SMYD3: variants seen among roughly 807,000 people sequenced by gnomAD.
SMYD3 encodes the protein SET and MYND domain containing 3, also known as histone-lysine N-methyltransferase SMYD3.
Under a neutral mutation model 57.7 loss-of-function variants are expected in SMYD3, and 36 were observed. That is an observed-to-expected ratio of 0.62 (90% CI 0.48 to 0.82). The LOEUF (loss-of-function observed/expected upper bound fraction) is 0.82, where lower values mean the gene tolerates loss of function less well. Ranked by LOEUF, SMYD3 falls within the 40% of genes least tolerant of loss-of-function variation. The pLI, the probability that SMYD3 is intolerant of heterozygous loss-of-function variation, is 0.00. For missense variants in SMYD3, 515 were observed against 538.8 expected (o/e 0.96, Z 0.44); for synonymous variants, 211 against 195.0 (o/e 1.08, Z -0.68).
chr1:246,256,325 T>A (rs558320417), intron 5 of SMYD3, among the ~76,000 whole-genome samples: 2 of 152,274 alleles, frequency 1.3e-5, no homozygotes, highest in East Asian at 3.9e-4. Flanking sequence ...CAAATGTTAA[T>A]CTCTTTTGGC....
intron 10 of SMYD3, among the ~76,000 whole-genome samples, chr1:245,793,223 C>A (rs375276989): frequency 1.3e-5 from 2 of 151,692 alleles, no homozygotes; most frequent in Admixed American, 1.3e-4. Context: ...GCAGGAGAAT[C>A]GCTTGAACCC....
rs529955940 is a variant in SMYD3 at position 246,218,277 on chromosome 1, T to C, written c.531+108924A>G. Reference sequence around the variant, plus strand: ...ACATAAGATTCAAGATAGTGATTATTTCGTGGGGTGGAGAGGGAGATAAGA... The same window carrying C: ...ACATAAGATTCAAGATAGTGATTATCTCGTGGGGTGGAGAGGGAGATAAGA... On this transcript the variant is annotated intron_variant, in intron 5 of 11. Coordinates refer to ENST00000490107, the MANE Select transcript of SMYD3 (RefSeq NM_001167740.2). 7.3e-4 allele frequency among the ~76,000 whole-genome samples: 111 copies of C among 151,802 alleles called. 2 individuals carry two copies. The highest frequency in any genetic ancestry group is 2.7e-3 in the African/African-American group (111 of 41,382).
At chr1:246,291,146 G>T (rs1170871939) in intron 5 of SMYD3, among the ~76,000 whole-genome samples, 1 of 152,170 alleles carries the variant, frequency 6.6e-6, no homozygotes, top group Non-Finnish European at 1.5e-5. Flanking sequence ...AGATGGTCAA[G>T]ACAAGCATCA....
intron 1 of SMYD3, among the ~76,000 whole-genome samples, chr1:246,490,140 A>G: frequency 6.6e-6 from 1 of 151,310 alleles, no homozygotes; most frequent in East Asian, 1.9e-4. Flanking sequence ...TGCCTGACTT[A>G]AGTCATTTTC....
intron 1 of SMYD3, among the ~76,000 whole-genome samples, chr1:246,410,186 G>T (rs79156969): frequency 6.6e-6 from 1 of 151,934 alleles, no homozygotes; most frequent in Non-Finnish European, 1.5e-5. Context: ...TGACTGCCCT[G>T]GCCAGAATTT....
At position 246,434,198 on chromosome 1, in the gene SMYD3, A is replaced by G. The variant is rs115397474; in HGVS notation, c.164+72856T>C. ...AACCATTCTTCTAAAGGATTGGTTT[A>G]GGAAACACCATTCTGGACATCAGCT... is the stretch of plus-strand genomic sequence containing the variant. On this transcript the variant is annotated intron_variant, in intron 1 of 11. Coordinates refer to ENST00000490107, the MANE Select transcript of SMYD3 (RefSeq NM_001167740.2). Among the ~76,000 whole-genome samples, 1,190 of 152,376 alleles carry G rather than the reference A, an allele frequency of 7.8e-3. 13 individuals carry two copies. The highest frequency in any genetic ancestry group is 0.026 in the African/African-American group (1,095 of 41,590).
intron 10 of SMYD3, among the ~76,000 whole-genome samples, chr1:245,769,733 G>A (rs536284828): frequency 5.0e-4 from 76 of 152,298 alleles, no homozygotes; most frequent in African/African-American, 1.5e-3. Flanking sequence ...ACTGAGGTAC[G>A]TATGAATTAA....
chr1:246,242,863 C>T (rs1293786216), intron 5 of SMYD3, among the ~76,000 whole-genome samples: 1 of 152,108 alleles, frequency 6.6e-6, no homozygotes, highest in African/African-American at 2.4e-5. Context: ...AAGGCCATTA[C>T]ATAATGGTAA....
At chr1:246,197,297 A>G (rs1035189819) in intron 5 of SMYD3, among the ~76,000 whole-genome samples, 1 of 152,160 alleles carries the variant, frequency 6.6e-6, no homozygotes, top group African/African-American at 2.4e-5. Context: ...TGTGACGAGG[A>G]CAGTGTGGAA....
intron 1 of SMYD3, among the ~76,000 whole-genome samples, chr1:246,455,446 C>T (rs1279451577): frequency 2.0e-5 from 3 of 152,100 alleles, no homozygotes; most frequent in Non-Finnish European, 2.9e-5. Flanking sequence ...ATCTATTACA[C>T]AAAGCAAGAT....
chr1:245,939,216 G>A (rs1013818339), intron 5 of SMYD3, among the ~76,000 whole-genome samples: 2 of 151,752 alleles, frequency 1.3e-5, no homozygotes, highest in Non-Finnish European at 2.9e-5. Context: ...TAGAAAAGTA[G>A]ATTAAACATA....
chr1:246,219,123 G>A (rs1171697237), intron 5 of SMYD3, among the ~76,000 whole-genome samples: 2 of 152,112 alleles, frequency 1.3e-5, no homozygotes, highest in African/African-American at 4.8e-5. Context: ...AGAAAATGGT[G>A]GTCCCCAACA....
At chr1:246,395,935 G>T (rs1221189891) in intron 1 of SMYD3, among the ~76,000 whole-genome samples, 2 of 152,226 alleles carry the variant, frequency 1.3e-5, no homozygotes, top group Non-Finnish European at 2.9e-5. Context: ...CAGACGTCAA[G>T]ACACCTATGA....
chr1:245,821,732 C>T (rs1055167112), intron 10 of SMYD3, among the ~76,000 whole-genome samples: 5 of 151,888 alleles, frequency 3.3e-5, no homozygotes, highest in African/African-American at 4.8e-5. Context: ...AAAAAGTGGG[C>T]AAAGGACATG....
At chr1:245,984,466 C>T (rs150464887) in intron 5 of SMYD3, among the ~76,000 whole-genome samples, 24 of 152,344 alleles carry the variant, frequency 1.6e-4, no homozygotes, top group Non-Finnish European at 3.2e-4. Context: ...CATGTGCACT[C>T]ACCTGGGCCC....
At chr1:246,399,392 T>C (rs1270016146) in intron 1 of SMYD3, among the ~76,000 whole-genome samples, 2 of 151,864 alleles carry the variant, frequency 1.3e-5, no homozygotes, top group South Asian at 2.1e-4. Flanking sequence ...TGGAGTGCAG[T>C]GGCATGATCA....
At chr1:246,029,030 G>A (rs1024406303) in intron 5 of SMYD3, among the ~76,000 whole-genome samples, 8 of 152,180 alleles carry the variant, frequency 5.3e-5, no homozygotes, top group Non-Finnish European at 8.8e-5. Context: ...ATCCAAAGCA[G>A]AAGAGTGAAA....
chr1:246,184,710 C>G (rs1192589974), intron 5 of SMYD3, among the ~76,000 whole-genome samples: 2 of 152,160 alleles, frequency 1.3e-5, no homozygotes, highest in African/African-American at 4.8e-5. Context: ...TTGACCTGCT[C>G]CCTTCCTCCC....
At chr1:246,134,250 T>A (rs2061632283) in intron 5 of SMYD3, among the ~76,000 whole-genome samples, 1 of 152,228 alleles carries the variant, frequency 6.6e-6, no homozygotes, top group South Asian at 2.1e-4. Flanking sequence ...CTTGGAAATA[T>A]TCTCTTTTAT....
Sources: allele counts gnomAD v4.1 joint callset (sites outside exome capture counted in the v4.1 genomes callset), GRCh38; gene constraint gnomAD v4.1.1; transcripts MANE v1.5; gene names NCBI Gene and HGNC (gene_info 2026-07-23, HGNC 2026-07-21).